HS3ST5: variants seen among roughly 807,000 people sequenced by gnomAD.
HS3ST5 encodes heparan sulfate-glucosamine 3-sulfotransferase 5, also known as heparan sulfate glucosamine 3-O-sulfotransferase 5.
A neutral mutation model predicts 25.4 loss-of-function variants in HS3ST5; 10 were observed. That is an observed-to-expected ratio of 0.39 (90% CI 0.24 to 0.67). The LOEUF (loss-of-function observed/expected upper bound fraction) is 0.67, where lower values mean the gene tolerates loss of function less well. Among genes scored for constraint, HS3ST5 ranks in the 30% least tolerant of loss-of-function variants. The pLI, the probability that HS3ST5 is intolerant of heterozygous loss-of-function variation, is 0.44. For missense variants in HS3ST5, 324 were observed against 420.7 expected (o/e 0.77, Z 2.01); for synonymous variants, 170 against 162.4 (o/e 1.05, Z -0.36).
intron 1 of HS3ST5, among the ~76,000 whole-genome samples, chr6:114,280,217 A>C (rs1774045355): frequency 6.6e-6 from 1 of 151,986 alleles, no homozygotes; most frequent in African/African-American, 2.4e-5. Flanking sequence ...AATGTGGAAA[A>C]GGTAAAATTG....
Position 114,224,092 on chromosome 6 carries a change from G to C in HS3ST5, c.-145+4493C>G, listed in dbSNP as rs1303303242. Among the ~76,000 whole-genome samples, 3 of 151,422 alleles carry C rather than the reference G, an allele frequency of 2.0e-5. 1 individual carries two copies. Among genetic ancestry groups the C allele is most frequent in the South Asian group, 4.2e-4 (2 of 4,818 alleles). On this transcript the variant is annotated intron_variant, in intron 2 of 4. Transcript: ENST00000312719. ...TGGGCCCTGAAATTTTATGTTTTCT[G>C]ATACTAAGATTTTTAATTCCTAATT...
Position 114,084,710 on chromosome 6 carries a change from G to A in HS3ST5, c.-32-21833C>T, listed in dbSNP as rs1317779790. Reference sequence around the variant, plus strand: ...AAGAAGCCGTGGCTCCTGGAAGGCTGCCTGGATTTGGTTAGTGAAGGTTCC... The same window carrying A: ...AAGAAGCCGTGGCTCCTGGAAGGCTACCTGGATTTGGTTAGTGAAGGTTCC... On this transcript the variant is annotated intron_variant, in intron 3 of 4. Transcript: ENST00000312719. The A allele has an allele frequency of 1.3e-5, 16 of 1,242,156 alleles. No homozygotes were observed. The Admixed American group carries it at 2.7e-4, about 21-fold the overall frequency. 76.9% of individuals were successfully genotyped at this position (1,242,156 alleles called of 1,614,324 possible).
At chr6:114,319,112 T>C (rs1157223747) in intron 1 of HS3ST5, among the ~76,000 whole-genome samples, 3 of 152,202 alleles carry the variant, frequency 2.0e-5, no homozygotes, top group Admixed American at 6.5e-5. Context: ...TTTATTTATG[T>C]GGTTTCTATT....
intron 3 of HS3ST5, among the ~76,000 whole-genome samples, chr6:114,167,139 C>G (rs1231197996): frequency 6.6e-6 from 1 of 152,190 alleles, no homozygotes; most frequent in Non-Finnish European, 1.5e-5. Flanking sequence ...GCACATGCCA[C>G]TGTGTGTGGC....
intron 3 of HS3ST5, among the ~76,000 whole-genome samples, chr6:114,122,025 T>C (rs1776813179): frequency 6.6e-6 from 1 of 152,186 alleles, no homozygotes; most frequent in South Asian, 2.1e-4. Flanking sequence ...CTTCGCTCCT[T>C]GTCGAGACTG....
chr6:114,237,734 A>T (rs1279792149), intron 1 of HS3ST5, among the ~76,000 whole-genome samples: 1 of 152,254 alleles, frequency 6.6e-6, no homozygotes, highest in Non-Finnish European at 1.5e-5. Flanking sequence ...ACACAGAAAC[A>T]GGCAAAGTTT....
chr6:114,158,024 C>G (rs1326111741), intron 3 of HS3ST5, among the ~76,000 whole-genome samples: 1 of 152,182 alleles, frequency 6.6e-6, no homozygotes, highest in Non-Finnish European at 1.5e-5. Context: ...ATGGAGCTGT[C>G]ACTTCTTTCA....
intron 2 of HS3ST5, among the ~76,000 whole-genome samples, chr6:114,186,281 A>G (rs1478719257): frequency 6.6e-6 from 1 of 152,190 alleles, no homozygotes; most frequent in African/African-American, 2.4e-5. Flanking sequence ...GGCCTCTTCC[A>G]CCAAACAATT....
rs577351928 is a variant in HS3ST5, at chr6:114,251,063, C to A, written c.-338-22285G>T. On this transcript the variant is annotated intron_variant, in intron 1 of 4. Transcript: ENST00000312719. ...ACTAAAACCTAAGTTCCAGGAAATGCCTCCATGACATTCTGATTCCATTAA... is the reference window on the plus strand; with the variant it reads ...ACTAAAACCTAAGTTCCAGGAAATGACTCCATGACATTCTGATTCCATTAA... Among the ~76,000 whole-genome samples, 10 of 152,294 alleles carry A rather than the reference C, an allele frequency of 6.6e-5. No individual in the cohort carries two copies. In the South Asian group the frequency reaches 2.1e-3, roughly 32 times the overall value.
intron 1 of HS3ST5, among the ~76,000 whole-genome samples, chr6:114,314,871 G>A (rs1027255769): frequency 4.6e-5 from 7 of 152,162 alleles, no homozygotes; most frequent in Non-Finnish European, 8.8e-5. Flanking sequence ...TAAATATTAT[G>A]TAGGTCACTA....
chr6:114,232,147 A>G (rs1771625765), intron 1 of HS3ST5, among the ~76,000 whole-genome samples: 1 of 152,048 alleles, frequency 6.6e-6, no homozygotes, highest in African/African-American at 2.4e-5. Flanking sequence ...TCCATATTCT[A>G]TAGTTTTTCA....
Position 114,058,140 on chromosome 6 carries a change from T to G in HS3ST5, c.158A>C (p.Gln53Pro), listed in dbSNP as rs768752863. The G allele has an allele frequency of 1.2e-6, 2 of 1,613,324 alleles. No homozygotes were observed. Among genetic ancestry groups the G allele is most frequent in the Non-Finnish European group, 1.7e-6 (2 of 1,179,434 alleles). Residue 53 changes from glutamine to proline, a missense_variant, in exon 5 of 5, where the codon CAG becomes CCG. Gln to Pro is a moderately conservative substitution (Grantham distance 76). Transcript: ENST00000312719. Reference protein sequence around the residue: ...IEGRLGGARTQAEFPLRALQF... With the variant: ...IEGRLGGARTPAEFPLRALQF... ...CAGGGCGCGAAGTGGGAATTCAGCC[T>G]GAGTGCGGGCTCCACCCAGTCGACC...
intron 1 of HS3ST5, among the ~76,000 whole-genome samples, chr6:114,231,877 G>A (rs540344079): frequency 6.6e-6 from 1 of 152,028 alleles, no homozygotes; most frequent in South Asian, 2.1e-4. Flanking sequence ...CATGAAATTA[G>A]GTGAACAACA....
At chr6:114,198,933 G>A (rs1334869408) in intron 2 of HS3ST5, among the ~76,000 whole-genome samples, 2 of 151,998 alleles carry the variant, frequency 1.3e-5, no homozygotes, top group Admixed American at 1.3e-4. Context: ...CAGTGCCCTC[G>A]AGCAGTGAAT....
intron 1 of HS3ST5, among the ~76,000 whole-genome samples, chr6:114,249,830 A>G (rs1287787459): frequency 1.3e-5 from 2 of 152,192 alleles, no homozygotes; most frequent in African/African-American, 4.8e-5. Flanking sequence ...TTATCAAAAC[A>G]CTTCCCAAAA....
intron 1 of HS3ST5, among the ~76,000 whole-genome samples, chr6:114,233,844 C>T (rs192340751): frequency 1.8e-3 from 274 of 152,256 alleles, no homozygotes; most frequent in African/African-American, 6.2e-3. Flanking sequence ...GAAATTCTAG[C>T]CTATTTTATA....
At chr6:114,072,772 C>T (rs1160016974) in intron 3 of HS3ST5, among the ~76,000 whole-genome samples, 1 of 152,154 alleles carries the variant, frequency 6.6e-6, no homozygotes, top group Non-Finnish European at 1.5e-5. Context: ...TAACTTTCTT[C>T]ACAGAATTGG....
intron 3 of HS3ST5, among the ~76,000 whole-genome samples, chr6:114,133,451 C>T (rs1386666775): frequency 1.3e-5 from 2 of 152,202 alleles, no homozygotes; most frequent in African/African-American, 4.8e-5. Context: ...CACAGTTGCA[C>T]TTTAGCTAGA....
At chr6:114,252,528 T>C (rs145135017) in intron 1 of HS3ST5, among the ~76,000 whole-genome samples, 1,585 of 152,308 alleles carry the variant, frequency 0.01, 22 homozygotes, top group African/African-American at 0.037. Context: ...GAGAAACTTA[T>C]GTTATTTGAG....
Sources: allele counts gnomAD v4.1 joint callset (sites outside exome capture counted in the v4.1 genomes callset), GRCh38; gene constraint gnomAD v4.1.1; transcripts MANE v1.5; gene names NCBI Gene and HGNC (gene_info 2026-07-23, HGNC 2026-07-21).